Variants in DIP2C observed in about 807,000 individuals in gnomAD.
The protein encoded by DIP2C is DIP2 acetate--CoA ligase C (putative).
Under a neutral mutation model 192.4 loss-of-function variants are expected in DIP2C, and 33 were observed. The ratio of observed to expected loss-of-function variants is 0.17; its 90% CI spans 0.13 to 0.23. The LOEUF (loss-of-function observed/expected upper bound fraction) is 0.23, where lower values mean the gene tolerates loss of function less well. DIP2C is among the 10% of genes least tolerant of loss of function. The probability of loss-of-function intolerance (pLI) is 1.00; values close to 1 mark genes in which losing one functional copy is unlikely to be tolerated. For synonymous variants in DIP2C, 979 were observed against 864.1 expected (o/e 1.13, Z -2.33); for missense variants, 1,537 against 2,110.1 (o/e 0.73, Z 5.32).
At chr10:532,951 T>C (rs528784057) in intron 1 of DIP2C, among the ~76,000 whole-genome samples, 41 of 152,146 alleles carry the variant, frequency 2.7e-4, no homozygotes, top group Non-Finnish European at 3.7e-4. Flanking sequence ...CCACCACTCC[T>C]ACTTAATTTT....
chr10:417,691 C>T (rs10904175), intron 6 of DIP2C, among the ~76,000 whole-genome samples: 1,615 of 29,364 alleles, frequency 0.055, 196 homozygotes, highest in African/African-American at 0.097. Flanking sequence ...CCTCCCTGTC[C>T]GCCTGTGCCT....
chr10:350,632 ATTTTTTTTTT>A (rs56171130), intron 24 of DIP2C, among the ~76,000 whole-genome samples: 3 of 84,228 alleles, frequency 3.6e-5, no homozygotes, highest in African/African-American at 9.4e-5. Context: ...GGGCTCAGGA[ATTTTTTTTTT>A]TTTTTTTTTT....
At chr10:616,907 G>A (rs549783512) in intron 1 of DIP2C, among the ~76,000 whole-genome samples, 8 of 152,324 alleles carry the variant, frequency 5.3e-5, no homozygotes, top group Non-Finnish European at 8.8e-5. Context: ...AGGCCAGACA[G>A]GACAAGGATG....
At chr10:419,042 C>A in intron 6 of DIP2C, 23 bp downstream of exon 6, 3 of 1,614,120 alleles carry the variant, frequency 1.9e-6, no homozygotes, top group East Asian at 2.2e-5. Flanking sequence ...CAGAAAAAAA[C>A]GCATCTCTCC....
rs78998245 is a variant in DIP2C, at chr10:473,187, G to A, written c.158-638C>T. On this transcript the variant is annotated intron_variant, in intron 2 of 36. Transcript: ENST00000280886. ...CAGATAAAAACGGTTTAATGGTATT[G>A]GTCAAAACATTGATGTGAATCCACC... Among the ~76,000 whole-genome samples, 9 of 152,268 alleles carry A rather than the reference G, an allele frequency of 5.9e-5. No homozygotes were observed. The East Asian group carries it at 1.7e-3, about 29-fold the overall frequency.
intron 1 of DIP2C, among the ~76,000 whole-genome samples, chr10:522,693 C>T (rs1320677672): frequency 5.9e-5 from 9 of 152,260 alleles, no homozygotes; most frequent in African/African-American, 1.9e-4. Context: ...GGTATCTGTC[C>T]AAGGTCTTTG....
At chr10:593,464 G>T (rs559345682) in intron 1 of DIP2C, among the ~76,000 whole-genome samples, 1 of 141,516 alleles carries the variant, frequency 7.1e-6, no homozygotes, top group African/African-American at 2.7e-5. Context: ...TGTGCATGCC[G>T]CCCTGCTCTG....
chr10:479,543 C>A (rs1341605750), intron 2 of DIP2C, among the ~76,000 whole-genome samples: 1 of 151,986 alleles, frequency 6.6e-6, no homozygotes, highest in Admixed American at 6.6e-5. Context: ...AACATGTTAG[C>A]CAGGCTGATC....
intron 1 of DIP2C, among the ~76,000 whole-genome samples, chr10:642,749 CA>C (rs1855258587): frequency 1.3e-5 from 2 of 152,274 alleles, no homozygotes; most frequent in South Asian, 4.1e-4. Context: ...TACTGGGACA[CA>C]ACCACCCTTT....
In DIP2C at chr10:377,991, A is replaced by G. The variant is rs148812459; in HGVS notation, c.1991+4656T>C. 1.8e-3 allele frequency among the ~76,000 whole-genome samples: 274 copies of G among 152,284 alleles called. 1 individual carries two copies. Among genetic ancestry groups the G allele is most frequent in the African/African-American group, 6.2e-3 (259 of 41,574 alleles). ...ACGTAGCTTTAAGAAAATCAAGTCT[A>G]TCATCTACATTCTAGAGATGGTAAC... On this transcript the variant is annotated intron_variant, in intron 17 of 36. Transcript: ENST00000280886.
At chr10:544,608 T>C (rs1227537803) in intron 1 of DIP2C, among the ~76,000 whole-genome samples, 1 of 152,232 alleles carries the variant, frequency 6.6e-6, no homozygotes, top group Non-Finnish European at 1.5e-5. Flanking sequence ...CACCGTCCAG[T>C]ACTGGGGTTT....
At chr10:581,535 T>C (rs1850663502) in intron 1 of DIP2C, among the ~76,000 whole-genome samples, 1 of 152,242 alleles carries the variant, frequency 6.6e-6, no homozygotes, top group Non-Finnish European at 1.5e-5. Flanking sequence ...AAGATACAAG[T>C]ATCTGGAAGA....
At chr10:304,257 G>A (rs943326621) in intron 32 of DIP2C, among the ~76,000 whole-genome samples, 1 of 152,126 alleles carries the variant, frequency 6.6e-6, no homozygotes, top group Non-Finnish European at 1.5e-5. Flanking sequence ...ATTGCATTAT[G>A]ATGGCCACAA....
rs543384992 is a variant in DIP2C, at chr10:505,041, A to C, written c.86-18511T>G. Among the ~76,000 whole-genome samples, 24 of 152,242 alleles carry C rather than the reference A, an allele frequency of 1.6e-4. No individual in the cohort carries two copies. The East Asian group carries it at 4.6e-3, about 29-fold the overall frequency. On this transcript the variant is annotated intron_variant, in intron 1 of 36. Transcript: ENST00000280886. ...CCGCGGGATCCCCACCCTGCCCTCC[A>C]AGGGATACTATTCTGATGGGACCTG...
intron 1 of DIP2C, among the ~76,000 whole-genome samples, chr10:683,511 A>G (rs551277429): frequency 6.6e-6 from 1 of 152,302 alleles, no homozygotes; most frequent in East Asian, 1.9e-4. Context: ...AGCAGGAAGG[A>G]CACCCACAAG....
At chr10:605,387 T>C (rs1852387182) in intron 1 of DIP2C, among the ~76,000 whole-genome samples, 1 of 152,224 alleles carries the variant, frequency 6.6e-6, no homozygotes, top group African/African-American at 2.4e-5. Flanking sequence ...ATTCTTTCAA[T>C]TTATCACTCA....
In DIP2C at chr10:275,441, T is replaced by C. The variant is rs1431030007; in HGVS notation, c.*1884A>G. The C allele has an allele frequency of 1.3e-5, 2 of 150,404 alleles. No homozygotes were observed. Among genetic ancestry groups the C allele is most frequent in the African/African-American group, 2.5e-5 (1 of 40,812 alleles). 9.3% of individuals were successfully genotyped at this position (150,404 alleles called of 1,614,324 possible). A position where few individuals can be genotyped will look rare whatever the true frequency, so the allele number is the denominator to read the frequency against. ...TGTGGAGATGGAAGGATGCACCACA[T>C]ATGCAGACACATTTTTTTAAATGTG... On this transcript the variant is annotated 3_prime_UTR_variant, in exon 37 of 37. Transcript: ENST00000280886.
intron 31 of DIP2C, among the ~76,000 whole-genome samples, chr10:316,469 A>C (rs933108697): frequency 5.9e-5 from 9 of 152,140 alleles, no homozygotes; most frequent in African/African-American, 1.9e-4. Context: ...AGCTTCCTCT[A>C]TTCCACTGCC....
chr10:517,059 G>C (rs1035758011), intron 1 of DIP2C, among the ~76,000 whole-genome samples: 1 of 151,822 alleles, frequency 6.6e-6, no homozygotes, highest in Non-Finnish European at 1.5e-5. Context: ...CAGAGGTTCA[G>C]GTCTAGTGGC....
Sources: allele counts gnomAD v4.1 joint callset (sites outside exome capture counted in the v4.1 genomes callset), GRCh38; gene constraint gnomAD v4.1.1; transcripts MANE v1.5; gene names NCBI Gene and HGNC (gene_info 2026-07-23, HGNC 2026-07-21).